The following ENPEP variants were observed in gnomAD, a reference collection of about 807,000 sequenced individuals.
The protein encoded by ENPEP is glutamyl aminopeptidase.
Under a neutral mutation model 114.5 loss-of-function variants are expected in ENPEP, and 103 were observed. That is an observed-to-expected ratio of 0.90 (90% CI 0.77 to 1.06). ENPEP has a LOEUF of 1.06. Ranked by LOEUF, ENPEP falls within the 50% of genes least tolerant of loss-of-function variation. The pLI, the probability that ENPEP is intolerant of heterozygous loss-of-function variation, is 0.00. For synonymous variants in ENPEP, 420 were observed against 422.0 expected, an observed-to-expected ratio of 1.00 and a Z score of 0.06; for missense variants, 1,196 against 1,161.3, an observed-to-expected ratio of 1.03 and a Z score of -0.43.
chr4:110,545,119 A>G (rs1440381024), intron 13 of ENPEP, among the ~76,000 whole-genome samples: 1 of 152,110 alleles, frequency 6.6e-6, no homozygotes, highest in Non-Finnish European at 1.5e-5. Flanking sequence ...GGGGTGGAAG[A>G]GAGAAGAAAT....
intron 3 of ENPEP, among the ~76,000 whole-genome samples, chr4:110,502,203 T>C (rs1725188750): frequency 6.6e-6 from 1 of 152,250 alleles, no homozygotes; most frequent in Non-Finnish European, 1.5e-5. Context: ...GATGCATAGT[T>C]TGCAAATATT....
chr4:110,519,362 C>A (rs1426147942), intron 8 of ENPEP: 2 of 225,790 alleles, frequency 8.9e-6, no homozygotes, highest in South Asian at 6.5e-5. Context: ...CAGGACAATT[C>A]TAGAAAGCAA....
At chr4:110,527,583 A>G (rs1169281073) in intron 10 of ENPEP, among the ~76,000 whole-genome samples, 1 of 152,132 alleles carries the variant, frequency 6.6e-6, no homozygotes, top group African/African-American at 2.4e-5. Context: ...TGAAACATAG[A>G]TCTGACTTGT....
intron 13 of ENPEP, among the ~76,000 whole-genome samples, chr4:110,547,511 A>G (rs1251135547): frequency 1.3e-5 from 2 of 152,120 alleles, no homozygotes; most frequent in Non-Finnish European, 2.9e-5. Context: ...TACAAAAAAC[A>G]GGACAGGGAA....
At position 110,537,144 on chromosome 4, in the gene ENPEP, G is replaced by T. The variant is rs1046966869; in HGVS notation, c.1808-5607G>T. On this transcript the variant is annotated intron_variant, in intron 11 of 19. Coordinates refer to ENST00000265162, the MANE Select transcript of ENPEP (RefSeq NM_001977.4). ...TGGCTGCTAGCTAATTAGGGTGGTG[G>T]TTGCTAAAGACTTGGGTGGCTGTGG... Among the ~76,000 whole-genome samples the T allele has an allele frequency of 3.9e-5, 6 of 152,148 alleles. 1 individual carries two copies. The highest frequency in any genetic ancestry group is 1.4e-4 in the African/African-American group (6 of 41,426).
chr4:110,488,320 A>G (rs1724576919), intron 1 of ENPEP, among the ~76,000 whole-genome samples: 1 of 152,250 alleles, frequency 6.6e-6, no homozygotes, highest in Non-Finnish European at 1.5e-5. Flanking sequence ...TGAATGAAAT[A>G]TCTGAAGCAA....
intron 2 of ENPEP, among the ~76,000 whole-genome samples, chr4:110,489,498 G>A (rs923078507): frequency 9.2e-5 from 14 of 151,924 alleles, no homozygotes; most frequent in African/African-American, 3.4e-4. Flanking sequence ...AGTGGCACGT[G>A]TATACCTATG....
intron 1 of ENPEP, among the ~76,000 whole-genome samples, chr4:110,482,276 A>G (rs576283843): frequency 5.9e-5 from 9 of 152,348 alleles, no homozygotes; most frequent in African/African-American, 2.2e-4. Flanking sequence ...AGTAGTCAAG[A>G]TTTGACGATT....
intron 11 of ENPEP, among the ~76,000 whole-genome samples, chr4:110,535,225 G>A (rs1726566362): frequency 6.6e-6 from 1 of 152,184 alleles, no homozygotes; most frequent in Admixed American, 6.5e-5. Context: ...GAGGTGGTGC[G>A]GACTCTACAA....
rs769596221 is a variant in ENPEP at position 110,476,723 on chromosome 4, C to T, written c.309C>T (p.Asp103=). The change falls in exon 1 of 20, where the codon GAC becomes GAT. Residue 103 remains aspartate (D), a synonymous_variant. Transcript: ENST00000265162. ...LPDFVNPVHY[D]LHVKPLLEED... ...ACTTCGTCAACCCAGTCCACTACGA[C>T]CTGCACGTGAAGCCCCTGTTGGAGG... 13 of 1,613,932 alleles carry T rather than the reference C, an allele frequency of 8.1e-6. No homozygotes were observed. The African/African-American group carries it at 1.6e-4, about 20-fold the overall frequency.
chr4:110,522,671 G>A (rs1364841170), intron 10 of ENPEP, among the ~76,000 whole-genome samples: 1 of 152,106 alleles, frequency 6.6e-6, no homozygotes, highest in African/African-American at 2.4e-5. Flanking sequence ...AAGTTAGTGT[G>A]GCATTAGACT....
At chr4:110,525,205 G>A (rs1379914036) in intron 10 of ENPEP, among the ~76,000 whole-genome samples, 14 of 152,068 alleles carry the variant, frequency 9.2e-5, no homozygotes, top group African/African-American at 3.1e-4. Context: ...CGTTATTTTT[G>A]TATGTATTTC....
intron 13 of ENPEP, among the ~76,000 whole-genome samples, chr4:110,543,506 G>A (rs1726932403): frequency 6.6e-6 from 1 of 152,120 alleles, no homozygotes; most frequent in Non-Finnish European, 1.5e-5. Flanking sequence ...GGGGTAAGAA[G>A]AATGAGCTAT....
In ENPEP at chr4:110,502,000, CATT is replaced by C. The variant is rs1444350247; in HGVS notation, c.919-4636_919-4634del. On this transcript the variant is annotated intron_variant, in intron 3 of 19. Transcript: ENST00000265162. ...ATTCTGACTGGGTGAGATAGTATCT[CATT>C]GTGGTTTTGATTTGCAGTTCTCTAA... 2.6e-5 allele frequency among the ~76,000 whole-genome samples: 4 copies of C among 152,214 alleles called. No individual in the cohort carries two copies. In the East Asian group the frequency reaches 7.7e-4, roughly 29 times the overall value.
rs546085173 is a variant in ENPEP, at chr4:110,535,053, A to T, written c.1807+3776A>T. Among the ~76,000 whole-genome samples the T allele has an allele frequency of 2.6e-5, 4 of 152,186 alleles. No homozygotes were observed. The South Asian group carries it at 8.3e-4, about 31-fold the overall frequency. On this transcript the variant is annotated intron_variant, in intron 11 of 19. Transcript: ENST00000265162. The stretch of plus-strand genomic sequence containing the variant: ...TTTTGGCTATTGTTAATGCATCCAC[A>T]TTTAGTAGCATACCACCTGTTTGCA...
intron 3 of ENPEP, among the ~76,000 whole-genome samples, chr4:110,492,679 C>A (rs1351626755): frequency 6.6e-6 from 1 of 152,146 alleles, no homozygotes; most frequent in Non-Finnish European, 1.5e-5. Context: ...ATAGATAATA[C>A]TGGTATGAAA....
At chr4:110,493,391 T>C (rs1378214682) in intron 3 of ENPEP, among the ~76,000 whole-genome samples, 2 of 152,222 alleles carry the variant, frequency 1.3e-5, no homozygotes, top group Non-Finnish European at 2.9e-5. Flanking sequence ...GAAACAAACA[T>C]AATATTGTTT....
At chr4:110,508,084 A>C (rs1237214451) in intron 4 of ENPEP, among the ~76,000 whole-genome samples, 1 of 152,118 alleles carries the variant, frequency 6.6e-6, no homozygotes, top group Non-Finnish European at 1.5e-5. Context: ...AATCTCACAA[A>C]TTTATTACTC....
At chr4:110,487,044 G>A (rs1421441538) in intron 1 of ENPEP, among the ~76,000 whole-genome samples, 1 of 152,138 alleles carries the variant, frequency 6.6e-6, no homozygotes, top group African/African-American at 2.4e-5. Flanking sequence ...AACTGGTTGA[G>A]CCAGATACTG....
Sources: gnomAD v4.1 joint callset for allele counts (sites outside exome capture counted in the v4.1 genomes callset) on GRCh38, gnomAD v4.1.1 for gene constraint, MANE v1.5 for transcripts, NCBI Gene and HGNC (gene_info 2026-07-23, HGNC 2026-07-21) for gene names.